GRHL2: variants seen among roughly 807,000 people sequenced by gnomAD.
GRHL2 encodes grainyhead like transcription factor 2.
Under a neutral mutation model 83.8 loss-of-function variants are expected in GRHL2, and 21 were observed. The ratio of observed to expected loss-of-function variants is 0.25; its 90% CI spans 0.18 to 0.36. The LOEUF is 0.36. Among genes scored for constraint, GRHL2 ranks in the 10% least tolerant of loss-of-function variants. GRHL2 has a pLI of 1.00. For synonymous variants in GRHL2, 280 were observed against 278.9 expected, an observed-to-expected ratio of 1.00 and a Z score of -0.04; for missense variants, 623 against 781.8, an observed-to-expected ratio of 0.80 and a Z score of 2.42.
At chr8:101,671,368 G>A (rs369634211), downstream of GRHL2, among the ~76,000 whole-genome samples, 20 of 152,190 alleles carry the variant, frequency 1.3e-4, no homozygotes, top group African/African-American at 2.2e-4. Context: ...ATTATATCCC[G>A]CACGTGGCTC....
chr8:101,578,118 C>T (rs1811969814), intron 7 of GRHL2, among the ~76,000 whole-genome samples: 1 of 152,156 alleles, frequency 6.6e-6, no homozygotes, highest in African/African-American at 2.4e-5. Context: ...ACTCGGGGTC[C>T]AGTCTGGAAG....
chr8:101,574,441 G>T (rs191070637), intron 6 of GRHL2, among the ~76,000 whole-genome samples: 1 of 152,362 alleles, frequency 6.6e-6, no homozygotes, highest in East Asian at 1.9e-4. Context: ...GAGAGGCCCG[G>T]TAATCCTTCT....
intron 6 of GRHL2, among the ~76,000 whole-genome samples, chr8:101,575,773 AG>A (rs1260474270): frequency 2.0e-5 from 3 of 152,240 alleles, no homozygotes; most frequent in Non-Finnish European, 4.4e-5. Flanking sequence ...GAAGCCACGC[AG>A]TAAACTTTGA....
chr8:101,601,335 GT>G (rs1812510934), intron 8 of GRHL2, among the ~76,000 whole-genome samples: 2 of 152,274 alleles, frequency 1.3e-5, no homozygotes, highest in South Asian at 4.1e-4. Context: ...TGCTTTAACT[GT>G]TCTGCTTCAA....
intron 3 of GRHL2, among the ~76,000 whole-genome samples, chr8:101,557,951 G>GC (rs990457337): frequency 4.6e-5 from 7 of 152,236 alleles, no homozygotes; most frequent in African/African-American, 1.7e-4. Context: ...CACAACCTCT[G>GC]CCTCCCGGGT....
At chr8:101,535,049 C>T (rs1811014940) in intron 1 of GRHL2, among the ~76,000 whole-genome samples, 1 of 152,152 alleles carries the variant, frequency 6.6e-6, no homozygotes, top group South Asian at 2.1e-4. Context: ...AAGCTAAGAT[C>T]CAGACAGGTT....
At chr8:101,606,270 A>G (rs1056296394) in intron 8 of GRHL2, among the ~76,000 whole-genome samples, 5 of 152,214 alleles carry the variant, frequency 3.3e-5, no homozygotes, top group African/African-American at 9.6e-5. Flanking sequence ...GAATGCTTCA[A>G]ATGCATTGGA....
intron 3 of GRHL2, 121 bp from the exon 4 acceptor site, chr8:101,558,297 GC>G: frequency 2.5e-6 from 3 of 1,182,130 alleles, no homozygotes; most frequent in Non-Finnish European, 2.5e-6. Context: ...AAGTTTGCCA[GC>G]CCCCTGTCCC....
intron 13 of GRHL2, among the ~76,000 whole-genome samples, chr8:101,646,972 G>A (rs1488909406): frequency 6.6e-6 from 1 of 152,178 alleles, no homozygotes; most frequent in African/African-American, 2.4e-5. Flanking sequence ...CATCAACGCG[G>A]CTCCCTTTAA....
intron 1 of GRHL2, among the ~76,000 whole-genome samples, chr8:101,498,842 G>A (rs1023345361): frequency 3.3e-5 from 5 of 152,070 alleles, no homozygotes; most frequent in African/African-American, 7.2e-5. Context: ...TTGGGAGGCC[G>A]AGGTGGGCGG....
chr8:101,552,482 C>G (rs775726009), intron 2 of GRHL2, among the ~76,000 whole-genome samples: 7 of 152,224 alleles, frequency 4.6e-5, no homozygotes, highest in African/African-American at 7.2e-5. Flanking sequence ...CAGCAGTGAG[C>G]AGCCGAATCA....
intron 4 of GRHL2, among the ~76,000 whole-genome samples, chr8:101,560,437 T>G (rs1486517950): frequency 6.6e-6 from 1 of 152,224 alleles, no homozygotes; most frequent in East Asian, 1.9e-4. Context: ...TGCTTCCAGC[T>G]TTTGGCTATT....
chr8:101,506,453 T>C lies in GRHL2; in HGVS notation c.20+13664T>C, dbSNP rs556121954. On this transcript the variant is annotated intron_variant, in intron 1 of 15. Transcript: ENST00000646743. Reference sequence around the variant, plus strand: ...AAAGAGTGTGCAAATTATGATTCTCTTTTTTACATCATTCATGCCATTCTG... The same window carrying C: ...AAAGAGTGTGCAAATTATGATTCTCCTTTTTACATCATTCATGCCATTCTG... Among the ~76,000 whole-genome samples, 370 of 152,306 alleles carry C rather than the reference T, an allele frequency of 2.4e-3. 4 individuals are homozygous for C. The highest frequency in any genetic ancestry group is 8.4e-3 in the African/African-American group (351 of 41,572).
chr8:101,649,605 T>C (rs1408553120), intron 14 of GRHL2, 106 bp downstream of exon 14: 1 of 815,422 alleles, frequency 1.2e-6, no homozygotes. Flanking sequence ...GAATGAGCTT[T>C]ATACAGAACA....
intron 1 of GRHL2, 145 bp from the exon 2 acceptor site, chr8:101,543,096 C>A (rs1811188760): frequency 1.4e-6 from 1 of 714,372 alleles, no homozygotes; most frequent in African/African-American, 1.8e-5. Flanking sequence ...GTAGTTGTCA[C>A]TTTAACTTTA....
rs565845743 is a variant in GRHL2 at position 101,655,488 on chromosome 8, G to C, written c.1698+5989G>C. On this transcript the variant is annotated intron_variant, in intron 14 of 15. Transcript: ENST00000646743. ...GTAATTATGGCTTAATCTATGCCAA[G>C]CTGAGTCACTTTTCTGGATTATTCT... Among the ~76,000 whole-genome samples, 141 of 152,162 alleles carry C rather than the reference G, an allele frequency of 9.3e-4. 2 individuals are homozygous for C. Among genetic ancestry groups the C allele is most frequent in the Non-Finnish European group, 9.3e-4 (63 of 68,036 alleles).
intron 7 of GRHL2, among the ~76,000 whole-genome samples, chr8:101,581,056 T>C (rs1812043421): frequency 6.6e-6 from 1 of 152,234 alleles, no homozygotes; most frequent in Non-Finnish European, 1.5e-5. Context: ...ACTGCCTTTG[T>C]ATTCCAGCCT....
At chr8:101,615,492 T>A (rs1812836788) in intron 8 of GRHL2, among the ~76,000 whole-genome samples, 1 of 152,154 alleles carries the variant, frequency 6.6e-6, no homozygotes, top group Admixed American at 6.5e-5. Context: ...GCAGGCTTTA[T>A]GAGGGAGTGG....
chr8:101,510,291 C>A (rs1586405158), intron 1 of GRHL2, among the ~76,000 whole-genome samples: 1 of 152,170 alleles, frequency 6.6e-6, no homozygotes, highest in Non-Finnish European at 1.5e-5. Context: ...GCCACTGCAA[C>A]TAGCCATATT....
Sources: gnomAD v4.1 joint callset for allele counts (sites outside exome capture counted in the v4.1 genomes callset) on GRCh38, gnomAD v4.1.1 for gene constraint, MANE v1.5 for transcripts, NCBI Gene and HGNC (gene_info 2026-07-23, HGNC 2026-07-21) for gene names.